The following CCDC158 variants were observed in gnomAD, a reference collection of about 807,000 sequenced individuals.
CCDC158 encodes coiled-coil domain-containing protein 158.
Under a neutral mutation model 138.6 loss-of-function variants are expected in CCDC158, and 116 were observed. That is an observed-to-expected ratio of 0.84 (90% confidence interval 0.72 to 0.98). The LOEUF (loss-of-function observed/expected upper bound fraction) is 0.98. Ranked by LOEUF, CCDC158 falls within the 50% of genes least tolerant of loss-of-function variation. CCDC158 has a pLI of 0.00. For missense variants in CCDC158, 1,265 were observed against 1,306.1 expected (o/e 0.97, Z 0.48); for synonymous variants, 436 against 442.4 (o/e 0.99, Z 0.18).
chr4:76,344,930 T>C, intron 18 of CCDC158: 1 of 1,529,614 alleles, frequency 6.5e-7, no homozygotes, highest in South Asian at 1.1e-5. Context: ...GTTTGGTGGC[T>C]TCTTCAAAAG....
intron 21 of CCDC158, among the ~76,000 whole-genome samples, chr4:76,330,291 T>G (rs756699647): frequency 6.6e-6 from 1 of 152,192 alleles, no homozygotes; most frequent in Non-Finnish European, 1.5e-5. Context: ...CAAGTTGCTA[T>G]GCAATCTGAG....
intron 22 of CCDC158, 103 bp from the exon 23 acceptor site, chr4:76,326,118 T>C: frequency 4.4e-6 from 4 of 916,166 alleles, no homozygotes; most frequent in Non-Finnish European, 6.7e-6. Context: ...TTCCCAATGG[T>C]GGAGGGACAG....
rs144703320 is a variant in CCDC158 at position 76,401,176 on chromosome 4, T to A, written c.70+1962A>T. Reference sequence around the variant, plus strand: ...GCAGAAAATAGGTGTACTCTAGGAATAAAGGAGTGAGATGGTTGAAAGATA... The same window carrying A: ...GCAGAAAATAGGTGTACTCTAGGAAAAAAGGAGTGAGATGGTTGAAAGATA... On this transcript the variant is annotated intron_variant, in intron 3 of 24. Coordinates refer to ENST00000682701, the MANE Select transcript of CCDC158 (RefSeq NM_001394954.1). The A allele has an allele frequency of 2.9e-4, 91 of 308,942 alleles. 1 individual carries two copies. Among genetic ancestry groups the A allele is most frequent in the African/African-American group, 1.9e-3 (86 of 45,434 alleles). 19.1% of individuals were successfully genotyped at this position (308,942 alleles called of 1,614,324 possible).
rs1465001795 is a variant in CCDC158 at position 76,353,228 on chromosome 4, A to C, written c.2340T>G (p.Thr780=). ...EKSKLSQELS[T]VATEKNKMAG... The stretch of plus-strand genomic sequence containing the variant: ...CCATCTTGTTTTTTTCTGTGGCAAC[A>C]GTACTCAATTCCTGACTGAGTTTAC... Residue 780 remains threonine (T), a synonymous_variant, in exon 16 of 25, where the codon ACT becomes ACG. Transcript: ENST00000682701. 3.1e-6 allele frequency: 5 copies of C among 1,613,506 alleles called. No individual in the cohort carries two copies. The highest frequency in any genetic ancestry group is 4.2e-6 in the Non-Finnish European group (5 of 1,179,694).
chr4:76,329,563 G>T (rs1051390148), intron 21 of CCDC158, among the ~76,000 whole-genome samples: 3 of 152,132 alleles, frequency 2.0e-5, no homozygotes, highest in Non-Finnish European at 2.9e-5. Flanking sequence ...CAGCCTGGGC[G>T]ACAGGGAGAG....
intron 1 of CCDC158, among the ~76,000 whole-genome samples, chr4:76,416,844 A>G (rs770200973): frequency 1.3e-5 from 2 of 152,196 alleles, no homozygotes; most frequent in Non-Finnish European, 2.9e-5. Context: ...CGTTATGGAG[A>G]ACCTCTGCTA....
At position 76,369,570 on chromosome 4, in the gene CCDC158, C is replaced by A; in HGVS notation, c.1203G>T (p.Lys401Asn). 1 of 1,614,172 alleles carries A rather than the reference C, an allele frequency of 6.2e-7. No homozygotes were observed. The highest frequency in any genetic ancestry group is 8.5e-7 in the Non-Finnish European group (1 of 1,180,014). Residue 401 changes from lysine to asparagine, a missense_variant, in exon 11 of 25, where the codon AAG becomes AAT. Physicochemically the swap from Lys to Asn is moderately conservative, Grantham distance 94 (BLOSUM62 0). Transcript: ENST00000682701. ...KELSLEKEQNKRLWDRDTGNS... is the reference protein window; with the variant it reads ...KELSLEKEQNNRLWDRDTGNS... ...TGCCTGTGTCTCGGTCCCACAGACG[C>A]TTATTCTGCTCCTTCTCCAGACTCA...
intron 1 of CCDC158, among the ~76,000 whole-genome samples, chr4:76,413,097 A>G (rs896425653): frequency 4.6e-5 from 7 of 151,604 alleles, no homozygotes; most frequent in Non-Finnish European, 1.0e-4. Context: ...CTGGTGAGTC[A>G]AAACAGGTCT....
intron 14 of CCDC158, 135 bp downstream of exon 14, chr4:76,357,239 C>A: frequency 2.1e-6 from 1 of 477,220 alleles, no homozygotes; most frequent in Non-Finnish European, 3.5e-6. Flanking sequence ...ATCATTAATA[C>A]CTACTATTGT....
At chr4:76,366,204 T>C (rs1207357751) in intron 12 of CCDC158, among the ~76,000 whole-genome samples, 6 of 152,196 alleles carry the variant, frequency 3.9e-5, no homozygotes, top group African/African-American at 1.2e-4. Context: ...GGGCTGGCCA[T>C]TGAGAATCCT....
rs1207553286 is a variant in CCDC158 at position 76,379,468 on chromosome 4, G to T, written c.915-64C>A. 4 of 896,144 alleles carry T rather than the reference G, an allele frequency of 4.5e-6. No individual in the cohort carries two copies. The African/African-American group carries it at 6.8e-5, about 15-fold the overall frequency. 55.5% of individuals were successfully genotyped at this position (896,144 alleles called of 1,614,324 possible). The stretch of plus-strand genomic sequence containing the variant: ...AACTAAGAATAAGAGTAACACCTGA[G>T]TATTCTAGCTTTTTGACACTACCAC... On this transcript the variant is annotated intron_variant, in intron 8 of 24. Transcript: ENST00000682701.
intron 15 of CCDC158, among the ~76,000 whole-genome samples, chr4:76,353,582 TC>T (rs1468489457): frequency 1.3e-5 from 2 of 152,204 alleles, no homozygotes; most frequent in Admixed American, 1.3e-4. Context: ...TGAATTAGGA[TC>T]AAATAATCGT....
At chr4:76,378,565 A>G (rs529741920) in intron 9 of CCDC158, among the ~76,000 whole-genome samples, 1 of 152,310 alleles carries the variant, frequency 6.6e-6, no homozygotes, top group South Asian at 2.1e-4. Flanking sequence ...GTGTAAACCG[A>G]GACTGTCCCA....
At chr4:76,385,962 T>C (rs889764681) in intron 4 of CCDC158, among the ~76,000 whole-genome samples, 2 of 152,238 alleles carry the variant, frequency 1.3e-5, no homozygotes, top group Admixed American at 6.5e-5. Context: ...GCACAGTATC[T>C]TCAAAAGATT....
chr4:76,384,347 G>C lies in CCDC158; in HGVS notation c.467C>G (p.Ala156Gly). The C allele has an allele frequency of 6.2e-7, 1 of 1,614,070 alleles. No individual in the cohort carries two copies. Among genetic ancestry groups the C allele is most frequent in the East Asian group, 2.2e-5 (1 of 44,876 alleles). ...CATGTCCTCTTTAAGGCATTTGGCAGCTTCAAGTTCATGAACTGTATTTTG... is the reference window on the plus strand; with the variant it reads ...CATGTCCTCTTTAAGGCATTTGGCACCTTCAAGTTCATGAACTGTATTTTG... ...QLQNTVHELE[A>G]AKCLKEDMLK... The change falls in exon 6 of 25, where the codon GCT (alanine) becomes GGT (glycine). Residue 156 changes from alanine (A) to glycine (G), a missense_variant. Physicochemically the swap from Ala to Gly is moderately conservative, Grantham distance 60. Transcript: ENST00000682701.
chr4:76,413,066 A>C (rs1284961307), intron 1 of CCDC158, among the ~76,000 whole-genome samples: 2 of 152,148 alleles, frequency 1.3e-5, no homozygotes, highest in African/African-American at 4.8e-5. Context: ...TAGAGAAGTA[A>C]TTGGGTAGAG....
chr4:76,410,898 T>A (rs1002945143), intron 2 of CCDC158, among the ~76,000 whole-genome samples: 1 of 152,302 alleles, frequency 6.6e-6, no homozygotes, highest in African/African-American at 2.4e-5. Flanking sequence ...TGTGCCACCT[T>A]GAGAACAATA....
rs1334007488 is a variant in CCDC158 at position 76,396,430 on chromosome 4, A to T, written c.127T>A (p.Ser43Thr). ...SIRGTIIENT[S>T]SAGTLTQVPF... ...ACCTGTGTCAAAGTCCCAGCTGAAGATGTGTTTTCAATTATTGTACCACGA... is the reference window on the plus strand; with the variant it reads ...ACCTGTGTCAAAGTCCCAGCTGAAGTTGTGTTTTCAATTATTGTACCACGA... Residue 43 changes from serine (S) to threonine (T), a missense_variant, in exon 4 of 25, where the codon TCT (serine) becomes ACT (threonine). Transcript: ENST00000682701. The T allele has an allele frequency of 1.9e-6, 3 of 1,614,064 alleles. No individual in the cohort carries two copies. The East Asian group carries it at 6.7e-5, about 36-fold the overall frequency.
chr4:76,379,470 A>G, intron 8 of CCDC158, 66 bp from the exon 9 acceptor site: 1 of 893,972 alleles, frequency 1.1e-6, no homozygotes, highest in Non-Finnish European at 1.7e-6. Flanking sequence ...ACACCTGAGT[A>G]TTCTAGCTTT....
Sources: gnomAD v4.1 joint callset for allele counts (sites outside exome capture counted in the v4.1 genomes callset) on GRCh38, gnomAD v4.1.1 for gene constraint, MANE v1.5 for transcripts, NCBI Gene and HGNC (gene_info 2026-07-23, HGNC 2026-07-21) for gene names.